The following FIG4 variants were observed in gnomAD, a reference collection of about 807,000 sequenced individuals.
The protein encoded by FIG4 is FIG4 phosphoinositide 5-phosphatase.
FIG4 carries 112 observed loss-of-function variants against 118.6 expected under a neutral mutation model. The observed-to-expected ratio is 0.94, with a 90% CI of 0.81 to 1.11. FIG4 has a LOEUF of 1.11. Among genes scored for constraint, FIG4 ranks in the 50% least tolerant of loss-of-function variants. The pLI is 0.00. For synonymous variants in FIG4, 369 were observed against 381.2 expected (o/e 0.97, Z 0.37); for missense variants, 969 against 1,111.7 (o/e 0.87, Z 1.83).
At position 109,767,697 on chromosome 6, in the gene FIG4, C is replaced by T. The variant is rs1056869491; in HGVS notation, c.1750+802C>T. On this transcript the variant is annotated intron_variant, in intron 15 of 22. Coordinates refer to ENST00000230124, the MANE Select transcript of FIG4 (RefSeq NM_014845.6). ...CGTCCTGGCTAACATGGTGAAACCC[C>T]GTCTCTACTAAAAAAATTACAAAAA... Among the ~76,000 whole-genome samples, 8 of 151,984 alleles carry T rather than the reference C, an allele frequency of 5.3e-5. No individual in the cohort carries two copies. In the East Asian group the frequency reaches 1.2e-3, roughly 22 times the overall value.
chr6:109,771,716 G>A (rs139693382), intron 15 of FIG4, among the ~76,000 whole-genome samples: 108 of 152,172 alleles, frequency 7.1e-4, no homozygotes, highest in Non-Finnish European at 1.1e-3. Context: ...TGCAGAGGGC[G>A]TCCTTTTCTG....
chr6:109,764,940 A>G, intron 13 of FIG4, 73 bp from the exon 14 acceptor site: 2 of 1,066,960 alleles, frequency 1.9e-6, no homozygotes, highest in Middle Eastern at 2.2e-4. Flanking sequence ...TGTTTCTTAA[A>G]GAAATCTAAA....
intron 1 of FIG4, among the ~76,000 whole-genome samples, chr6:109,706,216 T>G (rs1195347733): frequency 6.6e-6 from 1 of 152,166 alleles, no homozygotes; most frequent in East Asian, 1.9e-4. Flanking sequence ...TACATTTAGG[T>G]AGAAACAAAA....
intron 16 of FIG4, among the ~76,000 whole-genome samples, chr6:109,781,094 G>C (rs780595349): frequency 1.4e-4 from 22 of 152,136 alleles, no homozygotes; most frequent in Non-Finnish European, 2.4e-4. Context: ...GAGGTAATCT[G>C]GCCTATGCTT....
chr6:109,745,721 A>G (rs769521154), intron 10 of FIG4, among the ~76,000 whole-genome samples: 1 of 152,158 alleles, frequency 6.6e-6, no homozygotes, highest in South Asian at 2.1e-4. Context: ...GACCATGCCT[A>G]TGTCCTGAAT....
At chr6:109,699,442 A>G (rs1319840762) in intron 1 of FIG4, among the ~76,000 whole-genome samples, 1 of 149,592 alleles carries the variant, frequency 6.7e-6, no homozygotes, top group East Asian at 1.9e-4. Flanking sequence ...TTTCTGGTTA[A>G]TTAATTTCTG....
At chr6:109,769,624 A>T (rs76859875) in intron 15 of FIG4, among the ~76,000 whole-genome samples, 1 of 142,552 alleles carries the variant, frequency 7.0e-6, no homozygotes, top group Non-Finnish European at 1.5e-5. Flanking sequence ...AAACTAGATT[A>T]AAAAAAAAAA....
intron 5 of FIG4, 94 bp downstream of exon 5, chr6:109,732,781 C>G: frequency 1.4e-6 from 1 of 704,178 alleles, no homozygotes. Context: ...AGTAGTACTT[C>G]TCTTTCATTT....
chr6:109,792,104 A>G (rs1168906528), intron 20 of FIG4, among the ~76,000 whole-genome samples: 1 of 152,248 alleles, frequency 6.6e-6, no homozygotes, highest in Non-Finnish European at 1.5e-5. Context: ...AGCTAAATCC[A>G]TGTTCCAGAA....
intron 12 of FIG4, among the ~76,000 whole-genome samples, 183 bp downstream of exon 12, chr6:109,762,390 A>G (rs1777139322): frequency 6.6e-6 from 1 of 151,962 alleles, no homozygotes; most frequent in Admixed American, 6.6e-5. Flanking sequence ...GGTTACCTAC[A>G]TACCTTGAGA....
At chr6:109,770,597 A>G (rs1030322927) in intron 15 of FIG4, among the ~76,000 whole-genome samples, 5 of 152,096 alleles carry the variant, frequency 3.3e-5, no homozygotes, top group African/African-American at 1.2e-4. Context: ...TACAGGAAAC[A>G]TCGTGCCATT....
chr6:109,714,290 G>A (rs1775361185), intron 1 of FIG4, among the ~76,000 whole-genome samples: 1 of 152,118 alleles, frequency 6.6e-6, no homozygotes. Context: ...AGGGTTCCCA[G>A]CTTCTTCCCT....
chr6:109,703,925 G>C (rs1774980066), intron 1 of FIG4, among the ~76,000 whole-genome samples: 1 of 152,106 alleles, frequency 6.6e-6, no homozygotes, highest in Non-Finnish European at 1.5e-5. Flanking sequence ...TCTAAATAAT[G>C]GAGTTCCTCA....
chr6:109,727,440 A>G (rs933692955), intron 4 of FIG4, among the ~76,000 whole-genome samples, 175 bp downstream of exon 4: 5 of 152,096 alleles, frequency 3.3e-5, no homozygotes, highest in African/African-American at 9.7e-5. Flanking sequence ...TACAGTTTAG[A>G]TATTATGAAT....
chr6:109,767,785 T>C (rs891609210), intron 15 of FIG4, among the ~76,000 whole-genome samples: 4 of 151,752 alleles, frequency 2.6e-5, no homozygotes, highest in Admixed American at 2.0e-4. Context: ...GGCTGGAGAA[T>C]GGTGTGAACT....
intron 22 of FIG4, among the ~76,000 whole-genome samples, chr6:109,814,099 A>G (rs1393187292): frequency 2.0e-5 from 3 of 152,182 alleles, no homozygotes; most frequent in East Asian, 3.8e-4. Flanking sequence ...AGTTCTTTTT[A>G]TTGCATCCTA....
At chr6:109,803,364 G>T (rs1183859642) in intron 22 of FIG4, among the ~76,000 whole-genome samples, 4 of 152,206 alleles carry the variant, frequency 2.6e-5, no homozygotes, top group African/African-American at 4.8e-5. Flanking sequence ...CTCAAAACTT[G>T]TTAGTGGATT....
intron 10 of FIG4, among the ~76,000 whole-genome samples, chr6:109,748,380 G>A (rs184992431): frequency 6.6e-6 from 1 of 152,188 alleles, no homozygotes; most frequent in African/African-American, 2.4e-5. Context: ...TCTCAGCCAA[G>A]TAAGGACAGG....
At position 109,770,790 on chromosome 6, in the gene FIG4, C is replaced by T. The variant is rs538066656; in HGVS notation, c.1750+3895C>T. Among the ~76,000 whole-genome samples, 33 of 152,286 alleles carry T rather than the reference C, an allele frequency of 2.2e-4. 1 individual carries two copies. The South Asian group carries it at 6.6e-3, about 31-fold the overall frequency. ...AACCCAAACACCTTCCGCCAGACTCCATCTCCAAAATTGTGGATTACATTT... is the reference window on the plus strand; with the variant it reads ...AACCCAAACACCTTCCGCCAGACTCTATCTCCAAAATTGTGGATTACATTT... On this transcript the variant is annotated intron_variant, in intron 15 of 22. Transcript: ENST00000230124.
Sources: gnomAD v4.1 joint callset for allele counts (sites outside exome capture counted in the v4.1 genomes callset) on GRCh38, gnomAD v4.1.1 for gene constraint, MANE v1.5 for transcripts, NCBI Gene and HGNC (gene_info 2026-07-23, HGNC 2026-07-21) for gene names.